The following NUP155 variants were observed in gnomAD, a reference collection of about 807,000 sequenced individuals.
The protein encoded by NUP155 is nucleoporin 155.
A neutral mutation model predicts 180.4 loss-of-function variants in NUP155; 71 were observed. That is an observed-to-expected ratio of 0.39 (90% CI 0.33 to 0.48). The LOEUF is 0.48. Ranked by LOEUF, NUP155 falls within the 20% of genes least tolerant of loss-of-function variation. NUP155 has a pLI of 0.91. For synonymous variants in NUP155, 582 were observed against 559.5 expected, an observed-to-expected ratio of 1.04 and a Z score of -0.57; for missense variants, 1,553 against 1,648.9, an observed-to-expected ratio of 0.94 and a Z score of 1.01.
At chr5:37,331,262 A>T (rs777293291) in intron 14 of NUP155, among the ~76,000 whole-genome samples, 1 of 152,100 alleles carries the variant, frequency 6.6e-6, no homozygotes, top group Non-Finnish European at 1.5e-5. Context: ...TTAGGCAAAG[A>T]AAGGAATATT....
At chr5:37,322,686 G>A (rs216374) in intron 20 of NUP155, among the ~76,000 whole-genome samples, 4,215 of 146,886 alleles carry the variant, frequency 0.029, 209 homozygotes, top group African/African-American at 0.1. Context: ...CAGGCTGGGC[G>A]ACAGAGCGAG....
chr5:37,310,210 C>T (rs1038856932), intron 23 of NUP155, among the ~76,000 whole-genome samples: 1 of 151,994 alleles, frequency 6.6e-6, no homozygotes, highest in African/African-American at 2.4e-5. Context: ...TAGTGGTGCA[C>T]ACCCGTAGCC....
chr5:37,366,090 A>T (rs1257450385), intron 1 of NUP155, among the ~76,000 whole-genome samples: 3 of 152,186 alleles, frequency 2.0e-5, no homozygotes, highest in East Asian at 3.9e-4. Flanking sequence ...ATAAAAACAA[A>T]GACTGCTCTA....
chr5:37,305,360 C>T (rs1743096065), intron 25 of NUP155, 150 bp from the exon 26 acceptor site: 2 of 681,936 alleles, frequency 2.9e-6, no homozygotes, highest in South Asian at 1.7e-5. Context: ...GCCAGGGCAA[C>T]AGAGCGGGAC....
Position 37,307,290 on chromosome 5 carries a change from A to C in NUP155, c.2903+7T>G. 6.2e-7 allele frequency: 1 copy of C among 1,613,682 alleles called. No individual in the cohort carries two copies. The highest frequency in any genetic ancestry group is 1.7e-4 in the Middle Eastern group (1 of 6,058). On this transcript the variant is annotated splice_region_variant and intron_variant, in intron 25 of 34. Coordinates refer to ENST00000231498, the MANE Select transcript of NUP155 (RefSeq NM_153485.3). The stretch of plus-strand genomic sequence containing the variant: ...AGATGACAATCTGCTAACGTAATGG[A>C]ATGCACCTTTCTTGGAAGGCCTGAA...
chr5:37,302,098 GTA>G (rs1246977946), intron 29 of NUP155, among the ~76,000 whole-genome samples: 1 of 152,116 alleles, frequency 6.6e-6, no homozygotes, highest in East Asian at 1.9e-4. Context: ...TTGGACGATG[GTA>G]TGTTTTTGAT....
chr5:37,317,631 T>C lies in NUP155; in HGVS notation c.2305+357A>G, dbSNP rs570152340. Among the ~76,000 whole-genome samples, 20 of 151,400 alleles carry C rather than the reference T, an allele frequency of 1.3e-4. 1 individual carries two copies. In the South Asian group the frequency reaches 3.6e-3, roughly 27 times the overall value. On this transcript the variant is annotated intron_variant, in intron 21 of 34. Transcript: ENST00000231498. ...ACAAAAATGTATATGCTAAAAGAGA[T>C]AGGGAAATATACAATATCCATATTA...
intron 12 of NUP155, among the ~76,000 whole-genome samples, chr5:37,334,042 C>A (rs1039555140): frequency 8.6e-5 from 13 of 151,662 alleles, no homozygotes; most frequent in Non-Finnish European, 8.8e-5. Context: ...CTCAGGTGAT[C>A]CGCCCACCTC....
chr5:37,291,882 G>T lies in NUP155; in HGVS notation c.*18C>A, dbSNP rs948983466. The T allele has an allele frequency of 6.2e-7, 1 of 1,611,556 alleles. No individual in the cohort carries two copies. Among genetic ancestry groups the T allele is most frequent in the South Asian group, 1.1e-5 (1 of 91,008 alleles). ...TTATTTTACAGATCATAAAACGGAT[G>T]AAAGTATATCACAGTAATTAATGAA... On this transcript the variant is annotated 3_prime_UTR_variant, in exon 35 of 35. Coordinates refer to ENST00000231498, the MANE Select transcript of NUP155 (RefSeq NM_153485.3).
chr5:37,309,525 T>C (rs973066692), intron 23 of NUP155: 6 of 435,094 alleles, frequency 1.4e-5, no homozygotes, highest in Non-Finnish European at 2.5e-5. Flanking sequence ...CAATACATTA[T>C]TGGGCAGCAG....
At chr5:37,349,287 C>G (rs1746312199) in intron 7 of NUP155, 42 bp from the exon 8 acceptor site, 1 of 634,172 alleles carries the variant, frequency 1.6e-6, no homozygotes, top group African/African-American at 1.9e-5. Context: ...AAAGTAAACC[C>G]AAGGATTAAC....
Position 37,342,630 on chromosome 5 carries a change from CAG to C in NUP155, c.1010_1011del (p.Ser337CysfsTer3). The C allele has an allele frequency of 6.2e-7, 1 of 1,609,248 alleles. No homozygotes were observed. On this transcript the variant is annotated frameshift_variant, in exon 10 of 35. Transcript: ENST00000231498. LOFTEE classifies it high-confidence loss of function. ...AGNIARTIDR[S>X]VFKPIVQIAV... ...GCTATTTGGACAATTGGTTTAAAAA[CAG>C]AACGATCGATGGTCCTAAAAGAAAG...
In NUP155 at chr5:37,291,895, A is replaced by C. The variant is rs781528629; in HGVS notation, c.*5T>G. On this transcript the variant is annotated 3_prime_UTR_variant, in exon 35 of 35. Transcript: ENST00000231498. ...CATAAAACGGATGAAAGTATATCACAGTAATTAATGAAGCCGTTCTAATTT... is the reference window on the plus strand; with the variant it reads ...CATAAAACGGATGAAAGTATATCACCGTAATTAATGAAGCCGTTCTAATTT... 3 of 1,613,570 alleles carry C rather than the reference A, an allele frequency of 1.9e-6. No homozygotes were observed. Among genetic ancestry groups the C allele is most frequent in the East Asian group, 4.5e-5 (2 of 44,866 alleles).
intron 1 of NUP155, among the ~76,000 whole-genome samples, chr5:37,367,911 A>G (rs908086360): frequency 2.6e-5 from 4 of 151,912 alleles, no homozygotes; most frequent in Admixed American, 6.6e-5. Context: ...AGCCTCCTGA[A>G]TAACTGGGAT....
chr5:37,342,449 G>T, intron 10 of NUP155, 100 bp downstream of exon 10: 1 of 737,674 alleles, frequency 1.4e-6, no homozygotes, highest in Non-Finnish European at 2.4e-6. Flanking sequence ...CTTTACGGCA[G>T]ATATAGAAGG....
At chr5:37,292,092 C>A in intron 34 of NUP155, 54 bp from the exon 35 acceptor site, 1 of 1,577,296 alleles carries the variant, frequency 6.3e-7, no homozygotes, top group Non-Finnish European at 8.7e-7. Flanking sequence ...TTTCCTCCTG[C>A]AGGACTTCTT....
At chr5:37,297,133 T>C (rs535173652) in intron 32 of NUP155, among the ~76,000 whole-genome samples, 5 of 152,170 alleles carry the variant, frequency 3.3e-5, no homozygotes, top group Admixed American at 3.3e-4. Flanking sequence ...ATAGAAATCC[T>C]CCTAACTCAG....
Position 37,352,742 on chromosome 5 carries a change from T to C in NUP155, c.551A>G (p.Gln184Arg). The C allele has an allele frequency of 6.2e-7, 1 of 1,611,336 alleles. No individual in the cohort carries two copies. ...TAACATGTGGGTTGCCATACCTGTT[T>C]GCAAATTAGCATAGCTGAGTCCAAG... ...VILGLSYANL[Q>R]TGSGVLNDSL... The change falls in exon 5 of 35, where the codon CAA (glutamine) becomes CGA (arginine). Residue 184 changes from glutamine (Q) to arginine (R), a missense_variant. Gln to Arg is a conservative substitution (Grantham distance 43, BLOSUM62 1). Coordinates refer to ENST00000231498, the MANE Select transcript of NUP155 (RefSeq NM_153485.3).
At chr5:37,333,740 C>T in intron 12 of NUP155, 107 bp from the exon 13 acceptor site, 1 of 747,776 alleles carries the variant, frequency 1.3e-6, no homozygotes, top group Non-Finnish European at 2.2e-6. Flanking sequence ...AGTACATTAA[C>T]ATGAATATTT....
Sources: allele counts gnomAD v4.1 joint callset (sites outside exome capture counted in the v4.1 genomes callset), GRCh38; gene constraint gnomAD v4.1.1; transcripts MANE v1.5; gene names NCBI Gene and HGNC (gene_info 2026-07-23, HGNC 2026-07-21).